The following PACRG variants were observed in gnomAD, a reference collection of about 807,000 sequenced individuals.
PACRG encodes parkin coregulated gene protein.
In PACRG, 29 loss-of-function variants were observed where a neutral mutation model predicts 29.7. The ratio of observed to expected loss-of-function variants is 0.98; its 90% CI spans 0.73 to 1.33. The LOEUF is 1.33. Among genes scored for constraint, PACRG ranks in the 40% most tolerant of loss-of-function variants. The pLI is 0.00. For missense variants in PACRG, 279 were observed against 316.2 expected (o/e 0.88, Z 0.89); for synonymous variants, 116 against 118.7 (o/e 0.98, Z 0.15).
intron 4 of PACRG, among the ~76,000 whole-genome samples, chr6:163,217,618 G>A (rs1409597476): frequency 6.6e-6 from 1 of 152,198 alleles, no homozygotes; most frequent in Admixed American, 6.5e-5. Flanking sequence ...GCAGTGGGCA[G>A]GTGAGCAAGG....
chr6:163,086,605 T>C (rs1013547016), intron 3 of PACRG, among the ~76,000 whole-genome samples: 1 of 152,128 alleles, frequency 6.6e-6, no homozygotes, highest in Non-Finnish European at 1.5e-5. Flanking sequence ...AGTGTTTTCA[T>C]GCAACAAACC....
At chr6:162,888,374 G>GA (rs1223756924) in intron 2 of PACRG, among the ~76,000 whole-genome samples, 1 of 152,152 alleles carries the variant, frequency 6.6e-6, no homozygotes, top group Non-Finnish European at 1.5e-5. Context: ...GGAGCTCCAG[G>GA]AAACTCTAGT....
chr6:162,775,519 A>G (rs548020635), intron 1 of PACRG, among the ~76,000 whole-genome samples: 114 of 152,360 alleles, frequency 7.5e-4, no homozygotes, highest in African/African-American at 2.6e-3. Flanking sequence ...TTTGATAACT[A>G]TGTACTTGAG....
chr6:162,833,278 T>C (rs1334175933), intron 2 of PACRG, among the ~76,000 whole-genome samples: 2 of 152,152 alleles, frequency 1.3e-5, no homozygotes, highest in African/African-American at 4.8e-5. Context: ...TGAGAATACT[T>C]CCATATTTAG....
At position 163,059,046 on chromosome 6, in the gene PACRG, T is replaced by G. The variant is rs184134278; in HGVS notation, c.292-3104T>G. 8.9e-4 allele frequency among the ~76,000 whole-genome samples: 129 copies of G among 144,558 alleles called. 2 individuals carry two copies. The East Asian group carries it at 0.013, about 15-fold the overall frequency. The allele number at this position is 144,558 out of a possible 152,430, so 94.8% of individuals were successfully genotyped here. ...GTGAGCCGAGATCGCACCACTGCCC[T>G]CCAGGCTGGGCAACAAGAGCAAAAC... is the stretch of plus-strand genomic sequence containing the variant. On this transcript the variant is annotated intron_variant, in intron 2 of 4. Coordinates refer to ENST00000366888, the MANE Select transcript of PACRG (RefSeq NM_001080379.2).
chr6:162,842,357 T>C (rs1283883443), intron 2 of PACRG, among the ~76,000 whole-genome samples: 1 of 146,598 alleles, frequency 6.8e-6, no homozygotes, highest in Non-Finnish European at 1.5e-5. Context: ...GTAATGGCCT[T>C]CTTTGTCTCT....
intron 4 of PACRG, among the ~76,000 whole-genome samples, chr6:163,129,213 T>C (rs1816635342): frequency 6.6e-6 from 1 of 152,234 alleles, no homozygotes; most frequent in South Asian, 2.1e-4. Context: ...GGAATTTGCA[T>C]TTAAACAATT....
intron 4 of PACRG, among the ~76,000 whole-genome samples, chr6:163,168,132 A>T (rs1363344337): frequency 6.6e-6 from 1 of 152,200 alleles, no homozygotes; most frequent in East Asian, 1.9e-4. Context: ...CACATCATAG[A>T]TGCCTAAAGT....
chr6:162,927,225 A>G (rs1283784891), intron 2 of PACRG, among the ~76,000 whole-genome samples: 1 of 152,188 alleles, frequency 6.6e-6, no homozygotes, highest in South Asian at 2.1e-4. Context: ...TAGTTCAACT[A>G]TTGTGGAAGA....
At chr6:163,304,155 C>T (rs1445029592) in intron 4 of PACRG, among the ~76,000 whole-genome samples, 1 of 151,798 alleles carries the variant, frequency 6.6e-6, no homozygotes, top group Non-Finnish European at 1.5e-5. Flanking sequence ...GAAAAGCAGC[C>T]AGATGAAGCT....
intron 2 of PACRG, among the ~76,000 whole-genome samples, chr6:162,833,640 TTGGCTGC>T (rs1329904837): frequency 6.6e-6 from 1 of 152,174 alleles, no homozygotes; most frequent in Non-Finnish European, 1.5e-5. Context: ...CATATGTTTG[TTGGCTGC>T]ATAAGTGTCT....
At chr6:162,727,947 G>A (rs996368259), upstream of PACRG, 2 of 595,256 alleles carry the variant, frequency 3.4e-6, no homozygotes, top group Admixed American at 3.0e-5. Context: ...GGGGGGCGGG[G>A]CTATGCGCCC....
intron 2 of PACRG, among the ~76,000 whole-genome samples, chr6:163,010,781 T>C (rs1805537605): frequency 6.6e-6 from 1 of 152,194 alleles, no homozygotes; most frequent in African/African-American, 2.4e-5. Flanking sequence ...CCCCAGGGAA[T>C]GACACGGATA....
At chr6:163,212,633 G>A (rs959336895) in intron 4 of PACRG, among the ~76,000 whole-genome samples, 1 of 152,036 alleles carries the variant, frequency 6.6e-6, no homozygotes, top group African/African-American at 2.4e-5. Flanking sequence ...ACTACATTAG[G>A]AATTAATGAC....
intron 4 of PACRG, among the ~76,000 whole-genome samples, chr6:163,135,185 ATTT>A (rs10568609): frequency 0.016 from 2,362 of 143,552 alleles, 61 homozygotes; most frequent in African/African-American, 0.055. Flanking sequence ...TAGTTAAGTC[ATTT>A]TTTTTTTTTT....
intron 4 of PACRG, among the ~76,000 whole-genome samples, chr6:163,213,950 C>G (rs1562319955): frequency 6.6e-6 from 1 of 152,190 alleles, no homozygotes; most frequent in South Asian, 2.1e-4. Context: ...AAAGTAGCCT[C>G]TCTTTTTCCC....
At chr6:163,060,695 T>C (rs1453596571) in intron 2 of PACRG, 2 of 152,130 alleles carry the variant, frequency 1.3e-5, no homozygotes, top group African/African-American at 4.8e-5. Flanking sequence ...GAGCAGACTG[T>C]AGACAGGCCT....
chr6:162,791,419 G>A (rs1784938612), intron 1 of PACRG, among the ~76,000 whole-genome samples: 1 of 150,788 alleles, frequency 6.6e-6, no homozygotes, highest in East Asian at 2.0e-4. Context: ...TACCCCATAG[G>A]TAATTTTAAA....
intron 4 of PACRG, among the ~76,000 whole-genome samples, chr6:163,145,747 G>A (rs1439283398): frequency 6.6e-6 from 1 of 152,204 alleles, no homozygotes; most frequent in Non-Finnish European, 1.5e-5. Context: ...AGTTTTGGTT[G>A]TTGATCTTTA....
Sources: allele counts gnomAD v4.1 joint callset (sites outside exome capture counted in the v4.1 genomes callset), GRCh38; gene constraint gnomAD v4.1.1; transcripts MANE v1.5; gene names NCBI Gene and HGNC (gene_info 2026-07-23, HGNC 2026-07-21).